REXO1: variants seen among roughly 807,000 people sequenced by gnomAD.
REXO1 encodes the protein REX1, RNA exonuclease 1 homolog.
REXO1 carries 42 observed loss-of-function variants against 102.6 expected under a neutral mutation model. That is an observed-to-expected ratio of 0.41 (90% CI 0.32 to 0.53). The LOEUF (loss-of-function observed/expected upper bound fraction) is 0.53, where lower values mean the gene tolerates loss of function less well. REXO1 is among the 20% of genes least tolerant of loss of function. The pLI is 0.27. For synonymous variants in REXO1, 908 were observed against 779.1 expected, an observed-to-expected ratio of 1.17 and a Z score of -2.76; for missense variants, 1,819 against 1,732.5, an observed-to-expected ratio of 1.05 and a Z score of -0.89.
chr19:1,827,942 C>T lies in REXO1; in HGVS notation c.847G>A (p.Asp283Asn), dbSNP rs774459959. ...TCTTCTGAGTCTGAGAACCTTGCAT[C>T]GCAACTGCCAAAGGGGTCACAGAGC... ...KKLCDPFGSC[D>N]ARFSDSEDEA... is the part of the protein sequence containing the mutation. The change falls in exon 2 of 16, where the codon GAT becomes AAT. Residue 283 changes from aspartate to asparagine, a missense_variant. By Grantham distance (23) the Asp-to-Asn change is conservative. Transcript: ENST00000170168. 2 of 1,613,734 alleles carry T rather than the reference C, an allele frequency of 1.2e-6. No homozygotes were observed. The highest frequency in any genetic ancestry group is 2.2e-5 in the East Asian group (1 of 44,868).
rs747465205 is a variant in REXO1 at position 1,827,648 on chromosome 19, T to G, written c.1141A>C (p.Thr381Pro). 21 of 1,569,256 alleles carry G rather than the reference T, an allele frequency of 1.3e-5. No homozygotes were observed. Among genetic ancestry groups the G allele is most frequent in the Non-Finnish European group, 1.7e-5 (20 of 1,171,642 alleles). ...PKEGKPKKKK[T>P]GAPPAPSCKD... The stretch of plus-strand genomic sequence containing the variant: ...CAGCTGGGGGCAGGTGGGGCCCCGG[T>G]TTTTTTCTTCTTGGGTTTTCCCTCC... The change falls in exon 2 of 16, where the codon ACC becomes CCC. Residue 381 changes from threonine to proline, a missense_variant. Coordinates refer to ENST00000170168, the MANE Select transcript of REXO1 (RefSeq NM_020695.4).
chr19:1,847,677 C>A (rs990935079), intron 1 of REXO1, among the ~76,000 whole-genome samples: 1 of 152,248 alleles, frequency 6.6e-6, no homozygotes, highest in Non-Finnish European at 1.5e-5. Flanking sequence ...GCCAGTCATG[C>A]TGGACACAGG....
chr19:1,821,119 G>A (rs1488586189), intron 5 of REXO1, among the ~76,000 whole-genome samples: 1 of 152,058 alleles, frequency 6.6e-6, no homozygotes. Context: ...AGGCCGAGGC[G>A]GGTGGATCAC....
At position 1,815,690 on chromosome 19, in the gene REXO1, C is replaced by A; in HGVS notation, c.*376G>T. The A allele has an allele frequency of 7.5e-7, 1 of 1,333,612 alleles. No homozygotes were observed. The highest frequency in any genetic ancestry group is 9.7e-7 in the Non-Finnish European group (1 of 1,034,600). 82.6% of individuals were successfully genotyped at this position (1,333,612 alleles called of 1,614,324 possible). Reference sequence around the variant, plus strand: ...TAAAAAAAGACTGTCTCAAACAAACCTGGGACAAGCCCGCCCCGCGACCCA... The same window carrying A: ...TAAAAAAAGACTGTCTCAAACAAACATGGGACAAGCCCGCCCCGCGACCCA... On this transcript the variant is annotated 3_prime_UTR_variant, in exon 16 of 16. Transcript: ENST00000170168. This position sits in a 1 kb window ranked among gnomAD's most constrained non-coding sequence, Gnocchi z 4.0.
In REXO1 at chr19:1,819,066, T is replaced by G. The variant is rs1458646053; in HGVS notation, c.2716A>C (p.Ser906Arg). Reference protein sequence around the residue: ...VLGGRLAAKTSFSLSRPSSPR... With the variant: ...VLGGRLAAKTRFSLSRPSSPR... ...CTGCTTGGACGGCTGAGCGAGAAGC[T>G]GGTCTTGGCGGCCAACCTGCCCCCC... Residue 906 changes from serine to arginine, a missense_variant, in exon 8 of 16, where the codon AGC becomes CGC. Transcript: ENST00000170168. The G allele has an allele frequency of 1.2e-6, 2 of 1,601,024 alleles. No homozygotes were observed. The highest frequency in any genetic ancestry group is 2.7e-5 in the African/African-American group (2 of 74,560).
Position 1,848,396 on chromosome 19 carries a change from CGGGCCCCA to C in REXO1, c.-46_-39del, listed in dbSNP as rs1285435315. 4.2e-6 allele frequency: 5 copies of C among 1,180,884 alleles called. No homozygotes were observed. The highest frequency in any genetic ancestry group is 1.6e-5 in the African/African-American group (1 of 62,042). The allele number at this position is 1,180,884 out of a possible 1,614,324, so 73.2% of individuals were successfully genotyped here. On this transcript the variant is annotated 5_prime_UTR_variant, in exon 1 of 16. Coordinates refer to ENST00000170168, the MANE Select transcript of REXO1 (RefSeq NM_020695.4). The stretch of plus-strand genomic sequence containing the variant: ...GGCGGGGCCCCGGCCCGGAGCCGCC[CGGGCCCCA>C]GGGCCCCCTCACTGGCGCCGCGGTC...
At chr19:1,837,319 G>C (rs932612603) in intron 1 of REXO1, among the ~76,000 whole-genome samples, 1 of 152,078 alleles carries the variant, frequency 6.6e-6, no homozygotes, top group African/African-American at 2.4e-5. Context: ...CTCACAGTGG[G>C]ACGTCCTCCA....
intron 1 of REXO1, among the ~76,000 whole-genome samples, chr19:1,843,762 ACT>A (rs776960103): frequency 2.6e-5 from 4 of 152,170 alleles, no homozygotes; most frequent in African/African-American, 4.8e-5. Context: ...GAGAGCACAC[ACT>A]GTCACGTCTC....
chr19:1,834,553 A>T (rs1361315330), intron 1 of REXO1, among the ~76,000 whole-genome samples: 1 of 152,138 alleles, frequency 6.6e-6, no homozygotes, highest in Non-Finnish European at 1.5e-5. Flanking sequence ...AGCTGGGACC[A>T]CCTGCGTGCA....
intron 1 of REXO1, among the ~76,000 whole-genome samples, chr19:1,834,275 CCAAAAGGTGCTTTTGG>C (rs2069980382): frequency 1.3e-5 from 2 of 152,248 alleles, no homozygotes; most frequent in South Asian, 4.2e-4. Flanking sequence ...GACCATTTCC[CCAAAAGGTGCTTTTGG>C]AAGGTCTTGG....
rs531833592 is a variant in REXO1, at chr19:1,828,757, C to T, written c.158-126G>A. Reference sequence around the variant, plus strand: ...GCCTCCGAAACCCACCACGCACTGGCGCCCGCCAAGGCTCTGGGGTGCCCA... The same window carrying T: ...GCCTCCGAAACCCACCACGCACTGGTGCCCGCCAAGGCTCTGGGGTGCCCA... On this transcript the variant is annotated intron_variant, in intron 1 of 15. Coordinates refer to ENST00000170168, the MANE Select transcript of REXO1 (RefSeq NM_020695.4). 3.6e-4 allele frequency: 449 copies of T among 1,261,414 alleles called. 1 individual carries two copies. The African/African-American group carries it at 3.6e-3, about 10-fold the overall frequency. The allele number at this position is 1,261,414 out of a possible 1,614,324, so 78.1% of individuals were successfully genotyped here.
At chr19:1,825,782 G>A (rs2069698348) in intron 3 of REXO1, 57 bp downstream of exon 3, 12 of 1,165,012 alleles carry the variant, frequency 1.0e-5, no homozygotes, top group Admixed American at 6.6e-5. Flanking sequence ...GGCCAACCTC[G>A]TCTTTAAAAA....
At chr19:1,848,107 C>T (rs1157593836) in intron 1 of REXO1, 95 bp downstream of exon 1, 3 of 596,108 alleles carry the variant, frequency 5.0e-6, no homozygotes, top group South Asian at 8.7e-5. Flanking sequence ...GGGGAGGAGG[C>T]TGGGCCGAGA....
At chr19:1,825,107 C>T (rs1001464027) in intron 3 of REXO1, among the ~76,000 whole-genome samples, 1 of 149,072 alleles carries the variant, frequency 6.7e-6, no homozygotes, top group East Asian at 2.0e-4. Context: ...CGAGACCAGT[C>T]TGGCCAACAT....
intron 5 of REXO1, among the ~76,000 whole-genome samples, chr19:1,821,069 C>T (rs1380209424): frequency 1.3e-5 from 2 of 151,494 alleles, no homozygotes; most frequent in African/African-American, 4.8e-5. Context: ...CCAGGGCGGT[C>T]GGGCATGGTG....
intron 1 of REXO1, among the ~76,000 whole-genome samples, chr19:1,847,350 A>G (rs183861433): frequency 4.5e-4 from 68 of 152,376 alleles, no homozygotes; most frequent in Admixed American, 1.4e-3. Flanking sequence ...AAGTAAAAAC[A>G]GTGCTTGAAA....
intron 1 of REXO1, among the ~76,000 whole-genome samples, chr19:1,843,130 T>G (rs1211307819): frequency 6.6e-6 from 1 of 151,794 alleles, no homozygotes; most frequent in Admixed American, 6.6e-5. Flanking sequence ...GGGCAAAGCT[T>G]CAACCCCCCG....
chr19:1,826,011 A>C lies in REXO1; in HGVS notation c.1912-68T>G. The C allele has an allele frequency of 8.6e-7, 1 of 1,166,332 alleles. No individual in the cohort carries two copies. The highest frequency in any genetic ancestry group is 1.3e-6 in the Non-Finnish European group (1 of 778,160). 72.2% of individuals were successfully genotyped at this position (1,166,332 alleles called of 1,614,324 possible). On this transcript the variant is annotated intron_variant, in intron 2 of 15. Coordinates refer to ENST00000170168, the MANE Select transcript of REXO1 (RefSeq NM_020695.4). This position sits in a 1 kb window ranked among gnomAD's most constrained non-coding sequence, Gnocchi z 4.3. Reference sequence around the variant, plus strand: ...GCCAACACCAACACACCCCAACCTCAAACTGCCCCCGGCAAGTGGGGAATG... The same window carrying C: ...GCCAACACCAACACACCCCAACCTCCAACTGCCCCCGGCAAGTGGGGAATG...
At chr19:1,828,970 C>T (rs1185355771) in intron 1 of REXO1, among the ~76,000 whole-genome samples, 2 of 152,248 alleles carry the variant, frequency 1.3e-5, no homozygotes, top group Non-Finnish European at 2.9e-5. Context: ...TGGAACTCCC[C>T]GGGGCAGGCG....
Sources: allele counts gnomAD v4.1 joint callset (sites outside exome capture counted in the v4.1 genomes callset), GRCh38; gene constraint gnomAD v4.1.1; non-coding constraint Gnocchi (gnomAD v3.1); transcripts MANE v1.5; gene names NCBI Gene and HGNC (gene_info 2026-07-23, HGNC 2026-07-21).